RNF180: variants seen among roughly 807,000 people sequenced by gnomAD.
RNF180 encodes the protein E3 ubiquitin-protein ligase RNF180.
In RNF180, 38 loss-of-function variants were observed where a neutral mutation model predicts 59.2. That is an observed-to-expected ratio of 0.64 (90% CI 0.50 to 0.84). The LOEUF is 0.84. Among genes scored for constraint, RNF180 ranks in the 40% least tolerant of loss-of-function variants. The pLI is 0.00. For missense variants in RNF180, 705 were observed against 700.9 expected, an observed-to-expected ratio of 1.01 and a Z score of -0.07; for synonymous variants, 262 against 240.3, an observed-to-expected ratio of 1.09 and a Z score of -0.84.
chr5:64,338,948 TTTAC>T (rs1456973108), intron 7 of RNF180, among the ~76,000 whole-genome samples: 1 of 152,172 alleles, frequency 6.6e-6, no homozygotes, highest in African/African-American at 2.4e-5. Context: ...GTCTCAGAAT[TTTAC>T]TTATTTATGA....
intron 1 of RNF180, among the ~76,000 whole-genome samples, chr5:64,190,720 AGAG>A (rs1751101670): frequency 6.6e-6 from 1 of 152,184 alleles, no homozygotes; most frequent in Admixed American, 6.5e-5. Flanking sequence ...CCTGTTCCTA[AGAG>A]GAGGAGACAC....
intron 5 of RNF180, among the ~76,000 whole-genome samples, chr5:64,321,185 A>T (rs183953880): frequency 1.3e-5 from 2 of 151,562 alleles, no homozygotes; most frequent in Non-Finnish European, 2.9e-5. Flanking sequence ...AGGCAAGAGG[A>T]AAAAAAAAGG....
intron 1 of RNF180, among the ~76,000 whole-genome samples, chr5:64,199,690 G>A (rs1463356431): frequency 2.6e-5 from 4 of 152,220 alleles, no homozygotes; most frequent in Non-Finnish European, 5.9e-5. Flanking sequence ...AGGAAATGTG[G>A]CCAGGGAACT....
chr5:64,182,781 TTAAAG>T (rs891644031), intron 1 of RNF180, among the ~76,000 whole-genome samples: 6 of 152,158 alleles, frequency 3.9e-5, no homozygotes, highest in African/African-American at 7.2e-5. Flanking sequence ...AAGAAAAAGT[TTAAAG>T]TAAAGAAGGC....
intron 1 of RNF180, 64 bp from the exon 2 acceptor site, chr5:64,200,744 G>A: frequency 7.1e-7 from 1 of 1,400,884 alleles, no homozygotes. Context: ...GCCATGTTAA[G>A]GATTTAGAAA....
chr5:64,319,477 C>T (rs1744234161), intron 5 of RNF180, among the ~76,000 whole-genome samples: 1 of 152,102 alleles, frequency 6.6e-6, no homozygotes, highest in Admixed American at 6.5e-5. Flanking sequence ...ATGATAAAGG[C>T]AAATGTTAAC....
At chr5:64,265,872 C>T (rs1021963991) in intron 5 of RNF180, among the ~76,000 whole-genome samples, 4 of 152,026 alleles carry the variant, frequency 2.6e-5, no homozygotes, top group Non-Finnish European at 5.9e-5. Context: ...TGTTTTTCCA[C>T]TTGTTTGTGT....
At chr5:64,226,284 T>C (rs1296589728) in intron 5 of RNF180, among the ~76,000 whole-genome samples, 2 of 152,174 alleles carry the variant, frequency 1.3e-5, no homozygotes, top group East Asian at 3.9e-4. Flanking sequence ...TAGAAAGAAG[T>C]AGACATAGGA....
rs558114658 is a variant in RNF180, at chr5:64,256,918, G to A, written c.1227+39522G>A. Among the ~76,000 whole-genome samples, 35 of 152,166 alleles carry A rather than the reference G, an allele frequency of 2.3e-4. 1 individual carries two copies. The highest frequency in any genetic ancestry group is 7.0e-4 in the African/African-American group (29 of 41,538). On this transcript the variant is annotated intron_variant, in intron 5 of 7. Transcript: ENST00000389100. ...AGTTCTTCTTGAAGAGGTCCTTCAC[G>A]TCCCTTGTAAGTTGGATTCCTAGGT...
chr5:64,261,274 T>G (rs1744323422), intron 5 of RNF180, among the ~76,000 whole-genome samples: 1 of 152,294 alleles, frequency 6.6e-6, no homozygotes, highest in South Asian at 2.1e-4. Flanking sequence ...GAAAAAGAGA[T>G]TATAAATGGT....
intron 1 of RNF180, among the ~76,000 whole-genome samples, chr5:64,175,841 C>T (rs1351114288): frequency 2.0e-5 from 3 of 151,948 alleles, no homozygotes; most frequent in South Asian, 4.1e-4. Flanking sequence ...AATTTATTTC[C>T]AGGCATCTAA....
At chr5:64,338,991 G>T (rs1031458787) in intron 7 of RNF180, among the ~76,000 whole-genome samples, 4 of 151,860 alleles carry the variant, frequency 2.6e-5, no homozygotes, top group African/African-American at 9.6e-5. Flanking sequence ...TTTATACTGT[G>T]TTTTGTCAAT....
At chr5:64,236,986 T>C (rs1208585410) in intron 5 of RNF180, among the ~76,000 whole-genome samples, 1 of 152,008 alleles carries the variant, frequency 6.6e-6, no homozygotes, top group Admixed American at 6.5e-5. Context: ...ATAGCCCCCA[T>C]GGAGAACCTC....
At chr5:64,215,795 C>T (rs1752590666) in intron 4 of RNF180, among the ~76,000 whole-genome samples, 1 of 151,936 alleles carries the variant, frequency 6.6e-6, no homozygotes, top group African/African-American at 2.4e-5. Context: ...AAATCTGTAG[C>T]AAATAGAAAT....
chr5:64,315,089 A>G (rs1285476927), intron 5 of RNF180, among the ~76,000 whole-genome samples: 1 of 152,216 alleles, frequency 6.6e-6, no homozygotes, highest in Non-Finnish European at 1.5e-5. Context: ...TTTGGAAGAT[A>G]TTCGTTTACT....
chr5:64,181,768 C>T (rs1750598007), intron 1 of RNF180, among the ~76,000 whole-genome samples: 1 of 152,062 alleles, frequency 6.6e-6, no homozygotes, highest in Non-Finnish European at 1.5e-5. Flanking sequence ...TACTATGGAA[C>T]AAGGGAAGAT....
intron 5 of RNF180, among the ~76,000 whole-genome samples, chr5:64,253,508 T>C (rs1158612873): frequency 1.3e-5 from 2 of 152,176 alleles, no homozygotes; most frequent in Admixed American, 6.6e-5. Flanking sequence ...TGATCCCCTG[T>C]AGTTTAATAT....
At chr5:64,319,117 A>G (rs1416597264) in intron 5 of RNF180, among the ~76,000 whole-genome samples, 1 of 151,790 alleles carries the variant, frequency 6.6e-6, no homozygotes, top group Non-Finnish European at 1.5e-5. Flanking sequence ...TAGAGAAAGT[A>G]TATGGAAATT....
intron 1 of RNF180, among the ~76,000 whole-genome samples, chr5:64,192,079 C>T (rs566144179): frequency 6.6e-6 from 1 of 151,990 alleles, no homozygotes; most frequent in East Asian, 1.9e-4. Flanking sequence ...TCTTGACACC[C>T]TTGTCAAAGA....
Sources: gnomAD v4.1 joint callset for allele counts (sites outside exome capture counted in the v4.1 genomes callset) on GRCh38, gnomAD v4.1.1 for gene constraint, MANE v1.5 for transcripts, NCBI Gene and HGNC (gene_info 2026-07-23, HGNC 2026-07-21) for gene names.